Variants in SNCAIP observed in about 807,000 individuals in gnomAD.
The protein encoded by SNCAIP is synuclein alpha interacting protein.
In SNCAIP, 43 loss-of-function variants were observed where a neutral mutation model predicts 86.7. The observed-to-expected ratio is 0.50, with a 90% CI of 0.39 to 0.64. The LOEUF (loss-of-function observed/expected upper bound fraction) is 0.64, where lower values mean the gene tolerates loss of function less well. SNCAIP is among the 30% of genes least tolerant of loss of function. SNCAIP has a pLI of 0.00. For missense variants in SNCAIP, 981 were observed against 1,103.1 expected (o/e 0.89, Z 1.57); for synonymous variants, 417 against 427.2 (o/e 0.98, Z 0.29).
intron 3 of SNCAIP, among the ~76,000 whole-genome samples, chr5:122,409,636 G>A (rs1256787323): frequency 1.3e-5 from 2 of 152,184 alleles, no homozygotes; most frequent in Admixed American, 6.5e-5. Flanking sequence ...CATGTAGGTT[G>A]TACATTTAAA....
intron 3 of SNCAIP, among the ~76,000 whole-genome samples, chr5:122,414,391 T>C (rs1034993322): frequency 2.6e-5 from 4 of 152,036 alleles, no homozygotes; most frequent in Non-Finnish European, 1.5e-5. Context: ...CCACCATGCC[T>C]GGCTAATTTT....
intron 2 of SNCAIP, among the ~76,000 whole-genome samples, chr5:122,397,030 CT>C (rs1770762529): frequency 6.6e-6 from 1 of 152,152 alleles, no homozygotes; most frequent in African/African-American, 2.4e-5. Context: ...ATCAGACACT[CT>C]TCCCAGGTTT....
chr5:122,445,001 CCT>C (rs1263407221), intron 8 of SNCAIP: 2 of 473,338 alleles, frequency 4.2e-6, no homozygotes, highest in East Asian at 4.2e-5. Context: ...GGCGAGAGAG[CCT>C]CTCTCTGTGT....
At chr5:122,426,578 A>T (rs1041647148) in intron 5 of SNCAIP, among the ~76,000 whole-genome samples, 1 of 152,220 alleles carries the variant, frequency 6.6e-6, no homozygotes, top group Non-Finnish European at 1.5e-5. Flanking sequence ...AAGGTAATTA[A>T]TAAGGTATAC....
At chr5:122,362,026 C>G (rs1187711656) in intron 1 of SNCAIP, among the ~76,000 whole-genome samples, 1 of 152,156 alleles carries the variant, frequency 6.6e-6, no homozygotes, top group African/African-American at 2.4e-5. Context: ...ATCCTAATTT[C>G]CTAATCATCA....
intron 10 of SNCAIP, among the ~76,000 whole-genome samples, chr5:122,460,349 A>G (rs1180661526): frequency 6.6e-6 from 1 of 152,212 alleles, no homozygotes; most frequent in Non-Finnish European, 1.5e-5. Flanking sequence ...ATGATTACAT[A>G]TCTTGCCCAA....
intron 3 of SNCAIP, 128 bp downstream of exon 3, chr5:122,403,993 C>T (rs1485685145): frequency 7.0e-6 from 5 of 713,480 alleles, no homozygotes; most frequent in African/African-American, 3.5e-5. Context: ...TCTCCACTCA[C>T]ACCACCCCCC....
intron 2 of SNCAIP, among the ~76,000 whole-genome samples, chr5:122,392,780 T>C (rs1278684839): frequency 6.6e-6 from 1 of 152,208 alleles, no homozygotes; most frequent in Non-Finnish European, 1.5e-5. Flanking sequence ...AATAATAATA[T>C]ATGTGAAACA....
intron 4 of SNCAIP, 75 bp downstream of exon 4, chr5:122,423,814 C>T: frequency 2.3e-6 from 3 of 1,287,122 alleles, no homozygotes; most frequent in South Asian, 1.3e-5. Flanking sequence ...TCGTTAGTAA[C>T]AGAACGATGC....
intron 1 of SNCAIP, among the ~76,000 whole-genome samples, chr5:122,326,334 AG>A (rs1263575663): frequency 2.0e-5 from 3 of 152,176 alleles, no homozygotes. Context: ...CACATAAAGT[AG>A]GTCACTCTGT....
rs1394733765 is a variant in SNCAIP, at chr5:122,450,449, T to C, written c.1686-84T>C. 4.5e-5 allele frequency: 40 copies of C among 894,208 alleles called. No individual in the cohort carries two copies. The Admixed American group carries it at 6.8e-4, about 15-fold the overall frequency. 55.4% of individuals were successfully genotyped at this position (894,208 alleles called of 1,614,324 possible). On this transcript the variant is annotated intron_variant, in intron 9 of 10. Transcript: ENST00000261368. Reference sequence around the variant, plus strand: ...CTGTTCTTATTTACTTATACATTATTAGTGTCAGTAAAGACCATGTAGTGA... The same window carrying C: ...CTGTTCTTATTTACTTATACATTATCAGTGTCAGTAAAGACCATGTAGTGA...
At chr5:122,445,710 A>C (rs1782143968) in intron 8 of SNCAIP, among the ~76,000 whole-genome samples, 1 of 150,276 alleles carries the variant, frequency 6.7e-6, no homozygotes, top group Non-Finnish European at 1.5e-5. Context: ...CTAGAACTTA[A>C]AGTATAATCA....
intron 1 of SNCAIP, among the ~76,000 whole-genome samples, chr5:122,341,301 G>A (rs1256409992): frequency 3.9e-5 from 6 of 152,302 alleles, no homozygotes; most frequent in South Asian, 2.1e-4. Flanking sequence ...TCAGATGTCA[G>A]GGTAAAGCCC....
At chr5:122,347,494 G>A (rs547400157) in intron 1 of SNCAIP, among the ~76,000 whole-genome samples, 3 of 150,374 alleles carry the variant, frequency 2.0e-5, no homozygotes, top group African/African-American at 7.3e-5. Flanking sequence ...GTGTATTCAT[G>A]TGGGCACATG....
In SNCAIP at chr5:122,330,225, C is replaced by G. The variant is rs866815766; in HGVS notation, c.-47+17941C>G. 5.2e-4 allele frequency among the ~76,000 whole-genome samples: 77 copies of G among 149,010 alleles called. 2 individuals are homozygous for G. The highest frequency in any genetic ancestry group is 1.8e-3 in the African/African-American group (72 of 39,760). ...CAAGCTCCGCCTCCCGGGTTCACGC[C>G]ATTGTCCTGCCTCAGCCTCCCAAGT... On this transcript the variant is annotated intron_variant, in intron 1 of 10. Transcript: ENST00000261368.
chr5:122,441,083 C>A, intron 7 of SNCAIP: 1 of 266,092 alleles, frequency 3.8e-6, no homozygotes, highest in Non-Finnish European at 7.3e-6. Flanking sequence ...CACTACCAGG[C>A]AGACATCTGT....
intron 3 of SNCAIP, among the ~76,000 whole-genome samples, chr5:122,415,192 T>C (rs1180467303): frequency 2.0e-5 from 3 of 152,224 alleles, no homozygotes; most frequent in African/African-American, 7.2e-5. Flanking sequence ...CCACTTTGTA[T>C]GCCACTGCAC....
At chr5:122,352,926 C>G (rs1760173107) in intron 1 of SNCAIP, among the ~76,000 whole-genome samples, 1 of 152,190 alleles carries the variant, frequency 6.6e-6, no homozygotes. Flanking sequence ...CTGGAATCAT[C>G]ACCAGCTTTC....
chr5:122,332,065 T>C (rs1307927922), intron 1 of SNCAIP, among the ~76,000 whole-genome samples: 1 of 152,220 alleles, frequency 6.6e-6, no homozygotes, highest in Non-Finnish European at 1.5e-5. Context: ...TAGAATGTGA[T>C]ACTTGTTGAC....
Sources: gnomAD v4.1 joint callset for allele counts (sites outside exome capture counted in the v4.1 genomes callset) on GRCh38, gnomAD v4.1.1 for gene constraint, MANE v1.5 for transcripts, NCBI Gene and HGNC (gene_info 2026-07-23, HGNC 2026-07-21) for gene names.